Variants in GLI3 observed in about 807,000 individuals in gnomAD.
The protein encoded by GLI3 is GLI family zinc finger 3, also known as transcription activator GLI3.
In GLI3, 20 loss-of-function variants were observed where a neutral mutation model predicts 100.8. That is an observed-to-expected ratio of 0.20 (90% CI 0.14 to 0.29). The LOEUF (loss-of-function observed/expected upper bound fraction) is 0.29, where lower values mean the gene tolerates loss of function less well. Ranked by LOEUF, GLI3 falls within the 10% of genes least tolerant of loss-of-function variation. The pLI, the probability that GLI3 is intolerant of heterozygous loss-of-function variation, is 1.00. For synonymous variants in GLI3, 938 were observed against 860.5 expected (o/e 1.09, Z -1.58); for missense variants, 2,040 against 2,128.5 (o/e 0.96, Z 0.82).
Position 41,964,054 on chromosome 7 carries a change from G to T in GLI3, c.*276C>A. 1 of 304,810 alleles carries T rather than the reference G, an allele frequency of 3.3e-6. No homozygotes were observed. Among genetic ancestry groups the T allele is most frequent in the African/African-American group, 2.2e-5 (1 of 45,120 alleles). The allele number at this position is 304,810 out of a possible 1,614,324, so 18.9% of individuals were successfully genotyped here. On this transcript the variant is annotated 3_prime_UTR_variant, in exon 15 of 15. Coordinates refer to ENST00000395925, the MANE Select transcript of GLI3 (RefSeq NM_000168.6). ...TACATCGGTTTACTAAAAAGGGGGC[G>T]GGGCTTACAGTTTTTTTTTTTTTTT...
intron 2 of GLI3, among the ~76,000 whole-genome samples, chr7:42,169,775 G>C (rs1021103584): frequency 2.0e-5 from 3 of 152,050 alleles, no homozygotes; most frequent in Non-Finnish European, 4.4e-5. Flanking sequence ...AAAGAGAAAA[G>C]AGAAAAGAAC....
chr7:42,117,283 C>T (rs1236267981), intron 3 of GLI3, among the ~76,000 whole-genome samples: 1 of 152,110 alleles, frequency 6.6e-6, no homozygotes, highest in Non-Finnish European at 1.5e-5. Flanking sequence ...GCTCTGGATT[C>T]CTGGATGCCT....
At chr7:42,042,826 C>T (rs10215059) in intron 6 of GLI3, among the ~76,000 whole-genome samples, 10,963 of 152,158 alleles carry the variant, frequency 0.072, 531 homozygotes, top group Non-Finnish European at 0.1. Context: ...CTATTTCCAC[C>T]AATATAAATA....
At chr7:42,181,615 A>T (rs1787595994) in intron 2 of GLI3, among the ~76,000 whole-genome samples, 1 of 152,128 alleles carries the variant, frequency 6.6e-6, no homozygotes, top group African/African-American at 2.4e-5. Flanking sequence ...AACAACAAAC[A>T]AAAAAACAAC....
intron 3 of GLI3, among the ~76,000 whole-genome samples, chr7:42,143,586 T>C (rs1194422964): frequency 1.3e-5 from 2 of 152,222 alleles, no homozygotes; most frequent in Non-Finnish European, 2.9e-5. Context: ...CTATGCAGTT[T>C]TTTAGCACAC....
chr7:42,258,681 T>C (rs1202912919), intron 1 of GLI3, among the ~76,000 whole-genome samples: 1 of 152,194 alleles, frequency 6.6e-6, no homozygotes, highest in Non-Finnish European at 1.5e-5. Flanking sequence ...TCTTGATTGA[T>C]GAATGGCCAT....
chr7:42,210,132 C>T (rs1276377629), intron 2 of GLI3, among the ~76,000 whole-genome samples: 1 of 152,082 alleles, frequency 6.6e-6, no homozygotes, highest in Non-Finnish European at 1.5e-5. Context: ...AGACGCCCCG[C>T]TGTCGAACAT....
intron 10 of GLI3, among the ~76,000 whole-genome samples, chr7:41,992,221 G>T (rs1441962130): frequency 6.6e-6 from 1 of 152,226 alleles, no homozygotes; most frequent in Non-Finnish European, 1.5e-5. Context: ...AGGATGAATA[G>T]TAAGGGGCTA....
At chr7:42,125,862 A>G (rs1486362119) in intron 3 of GLI3, among the ~76,000 whole-genome samples, 1 of 152,226 alleles carries the variant, frequency 6.6e-6, no homozygotes, top group Non-Finnish European at 1.5e-5. Context: ...TGTCTGAGAT[A>G]ACTCAAAAAC....
At chr7:42,185,623 A>T (rs972580540) in intron 2 of GLI3, among the ~76,000 whole-genome samples, 1 of 152,202 alleles carries the variant, frequency 6.6e-6, no homozygotes, top group African/African-American at 2.4e-5. Context: ...AGCTGCCCAG[A>T]TGTGCTACAG....
intron 3 of GLI3, among the ~76,000 whole-genome samples, chr7:42,113,950 A>G (rs1416507626): frequency 6.6e-6 from 1 of 152,146 alleles, no homozygotes; most frequent in African/African-American, 2.4e-5. Flanking sequence ...GGAAAAACAA[A>G]TTTGATTTTA....
chr7:41,987,959 G>A (rs998560619), intron 10 of GLI3, among the ~76,000 whole-genome samples: 5 of 152,160 alleles, frequency 3.3e-5, no homozygotes, highest in Non-Finnish European at 7.3e-5. Context: ...TAATATTAAC[G>A]TGACCTAAAA....
intron 7 of GLI3, among the ~76,000 whole-genome samples, chr7:42,030,946 T>A (rs1362380857): frequency 6.6e-6 from 1 of 152,164 alleles, no homozygotes; most frequent in African/African-American, 2.4e-5. Context: ...CTTGAACTCC[T>A]GACCTCAAGT....
intron 10 of GLI3, among the ~76,000 whole-genome samples, chr7:41,998,851 T>A (rs982010335): frequency 3.3e-5 from 5 of 152,240 alleles, no homozygotes; most frequent in Non-Finnish European, 5.9e-5. Context: ...TTATTTTGCA[T>A]CTTTCTCTTC....
At chr7:42,251,441 G>A (rs575991784) in intron 1 of GLI3, among the ~76,000 whole-genome samples, 1 of 152,314 alleles carries the variant, frequency 6.6e-6, no homozygotes, top group African/African-American at 2.4e-5. Flanking sequence ...CTCGCTTGCC[G>A]CTCACCTCCT....
intron 3 of GLI3, among the ~76,000 whole-genome samples, chr7:42,111,946 G>A (rs1338534902): frequency 6.6e-6 from 1 of 152,150 alleles, no homozygotes; most frequent in Non-Finnish European, 1.5e-5. Context: ...CTTAGCTCCA[G>A]GGTGTAAAGC....
intron 7 of GLI3, among the ~76,000 whole-genome samples, chr7:42,026,883 T>G (rs1402777267): frequency 6.6e-6 from 1 of 152,242 alleles, no homozygotes; most frequent in African/African-American, 2.4e-5. Context: ...TTGAACACCA[T>G]GCTTGTCATA....
Position 41,962,016 on chromosome 7 carries a change from T to C in GLI3, c.*2314A>G, listed in dbSNP as rs1583725006. On this transcript the variant is annotated 3_prime_UTR_variant, in exon 15 of 15. Coordinates refer to ENST00000395925, the MANE Select transcript of GLI3 (RefSeq NM_000168.6). Reference sequence around the variant, plus strand: ...AGAAGAATAGGGGAAACCCAGAAAATAACCTGAAACCATAGGAAAGAGCAG... The same window carrying C: ...AGAAGAATAGGGGAAACCCAGAAAACAACCTGAAACCATAGGAAAGAGCAG... 1 of 145,898 alleles carries C rather than the reference T, an allele frequency of 6.9e-6. No individual in the cohort carries two copies. Among genetic ancestry groups the C allele is most frequent in the South Asian group, 2.2e-4 (1 of 4,528 alleles). 9.0% of individuals were successfully genotyped at this position (145,898 alleles called of 1,614,324 possible). A position where few individuals can be genotyped will look rare whatever the true frequency, so the allele number is the denominator to read the frequency against.
intron 2 of GLI3, among the ~76,000 whole-genome samples, chr7:42,160,814 C>T (rs898907887): frequency 7.9e-5 from 12 of 152,254 alleles, no homozygotes; most frequent in Middle Eastern, 3.4e-3. Context: ...GACCAGTGGA[C>T]GCCTTCACCA....
Sources: allele counts gnomAD v4.1 joint callset (sites outside exome capture counted in the v4.1 genomes callset), GRCh38; gene constraint gnomAD v4.1.1; transcripts MANE v1.5; gene names NCBI Gene and HGNC (gene_info 2026-07-23, HGNC 2026-07-21).